The following DAAM2 variants were observed in gnomAD, a reference collection of about 807,000 sequenced individuals.
The protein encoded by DAAM2 is disheveled-associated activator of morphogenesis 2.
Under a neutral mutation model 120.7 loss-of-function variants are expected in DAAM2, and 39 were observed. The observed-to-expected ratio is 0.32, with a 90% confidence interval of 0.25 to 0.42. The LOEUF is 0.42. Ranked by LOEUF, DAAM2 falls within the 10% of genes least tolerant of loss-of-function variation. The pLI is 1.00. For missense variants in DAAM2, 1,283 were observed against 1,401.7 expected (o/e 0.92, Z 1.35); for synonymous variants, 488 against 524.9 (o/e 0.93, Z 0.96).
chr6:39,825,642 C>A (rs537949804), intron 1 of DAAM2, among the ~76,000 whole-genome samples: 37 of 152,264 alleles, frequency 2.4e-4, no homozygotes, highest in Admixed American at 7.8e-4. Flanking sequence ...CCTGCTCCCA[C>A]CGTGGCTGTG....
chr6:39,840,060 C>A (rs1390681330), intron 1 of DAAM2, among the ~76,000 whole-genome samples: 1 of 152,136 alleles, frequency 6.6e-6, no homozygotes, highest in African/African-American at 2.4e-5. Flanking sequence ...AACCCTGTCT[C>A]TACACAAAAT....
intron 1 of DAAM2, among the ~76,000 whole-genome samples, chr6:39,847,085 AC>A (rs1763624767): frequency 6.6e-6 from 1 of 152,152 alleles, no homozygotes; most frequent in South Asian, 2.1e-4. Context: ...CAGGAAGGTC[AC>A]CTTGTACTGC....
Position 39,903,703 on chromosome 6 carries a change from C to T in DAAM2, c.*1666C>T, listed in dbSNP as rs752015530. 12 of 165,446 alleles carry T rather than the reference C, an allele frequency of 7.3e-5. No individual in the cohort carries two copies. The highest frequency in any genetic ancestry group is 1.6e-4 in the Non-Finnish European group (12 of 75,582). 10.2% of individuals were successfully genotyped at this position (165,446 alleles called of 1,614,324 possible). ...CCTACTCTCAGCTGCCTATCTTCTG[C>T]CTTTCACTTGCATCCAACTCCTGGG... On this transcript the variant is annotated 3_prime_UTR_variant, in exon 25 of 25. Transcript: ENST00000274867.
chr6:39,826,952 T>G (rs184457905), intron 1 of DAAM2, among the ~76,000 whole-genome samples: 1 of 152,276 alleles, frequency 6.6e-6, no homozygotes, highest in East Asian at 1.9e-4. Context: ...TTGAGAATAT[T>G]TAAAGAGAGA....
intron 1 of DAAM2, among the ~76,000 whole-genome samples, chr6:39,844,498 C>T (rs766768020): frequency 5.3e-5 from 8 of 152,048 alleles, no homozygotes; most frequent in Admixed American, 1.3e-4. Flanking sequence ...GGGTCCTCAT[C>T]GGTCAAAAAT....
chr6:39,793,342 G>A (rs1005221330), intron 1 of DAAM2, among the ~76,000 whole-genome samples: 2 of 150,700 alleles, frequency 1.3e-5, no homozygotes, highest in Non-Finnish European at 2.9e-5. Context: ...ATAAAGAGAC[G>A]TGTCTGAGCT....
At chr6:39,802,444 T>TA (rs368222660) in intron 1 of DAAM2, among the ~76,000 whole-genome samples, 18 of 151,186 alleles carry the variant, frequency 1.2e-4, no homozygotes, top group South Asian at 8.4e-4. Context: ...ATTACTTGGT[T>TA]AAAAAAAAAG....
At chr6:39,885,924 G>A (rs953292788) in intron 15 of DAAM2, 1 of 152,734 alleles carries the variant, frequency 6.5e-6, no homozygotes, top group African/African-American at 2.4e-5. Context: ...GGACAGATGA[G>A]GGGCAGTGAG....
intron 2 of DAAM2, among the ~76,000 whole-genome samples, chr6:39,857,650 G>A (rs1434888923): frequency 6.6e-6 from 1 of 152,174 alleles, no homozygotes; most frequent in Non-Finnish European, 1.5e-5. Context: ...CCTTTCTTTG[G>A]CTCTTTTATT....
At chr6:39,884,233 C>CCTG in intron 15 of DAAM2, 164 bp downstream of exon 15, 1 of 579,936 alleles carries the variant, frequency 1.7e-6, no homozygotes, top group South Asian at 2.3e-5. Flanking sequence ...CACATGTATA[C>CCTG]TGAATGATTT....
intron 19 of DAAM2, 87 bp downstream of exon 19, chr6:39,891,809 G>T (rs922679004): frequency 2.0e-6 from 2 of 990,256 alleles, no homozygotes; most frequent in African/African-American, 3.3e-5. Context: ...GGGGCAGAGG[G>T]AAACCCCTTT....
At chr6:39,839,123 T>A (rs1362208587) in intron 1 of DAAM2, among the ~76,000 whole-genome samples, 1 of 152,142 alleles carries the variant, frequency 6.6e-6, no homozygotes, top group Non-Finnish European at 1.5e-5. Flanking sequence ...TTATTTTTTT[T>A]AAATGCCCCG....
At chr6:39,848,463 A>C (rs1763681465) in intron 1 of DAAM2, 2 of 152,028 alleles carry the variant, frequency 1.3e-5, no homozygotes, top group Admixed American at 6.6e-5. Flanking sequence ...AACAGTTGGA[A>C]AATCCTCAAC....
At chr6:39,893,977 AAATT>A (rs1274178809) in intron 19 of DAAM2, among the ~76,000 whole-genome samples, 1 of 152,196 alleles carries the variant, frequency 6.6e-6, no homozygotes, top group Non-Finnish European at 1.5e-5. Flanking sequence ...CAAATTTGAC[AAATT>A]TACCAGTTCT....
chr6:39,873,114 C>T (rs887772947), intron 9 of DAAM2, 124 bp from the exon 10 acceptor site: 1 of 661,744 alleles, frequency 1.5e-6, no homozygotes, highest in African/African-American at 1.8e-5. Flanking sequence ...AAGCCTGGGC[C>T]AGAGGCAGGG....
chr6:39,878,217 A>G lies in DAAM2; in HGVS notation c.1316A>G (p.Asn439Ser), dbSNP rs763849168. 9.9e-6 allele frequency: 16 copies of G among 1,613,894 alleles called. No homozygotes were observed. The highest frequency in any genetic ancestry group is 1.7e-6 in the Non-Finnish European group (2 of 1,179,888). The part of the protein sequence containing the change: ...KNIVNMLINE[N>S]EVKQWRDQAE... ...TGCCCTGCCAGGCTCATCAACGAGA[A>G]TGAAGTGAAACAGTGGCGAGACCAG... The change falls in exon 12 of 25, where the codon AAT (asparagine) becomes AGT (serine). Residue 439 changes from asparagine to serine, a missense_variant. Coordinates refer to ENST00000274867, the MANE Select transcript of DAAM2 (RefSeq NM_001201427.2). The surrounding 1 kb of genome is among the most constrained non-coding windows in gnomAD (Gnocchi z 5.0).
intron 7 of DAAM2, among the ~76,000 whole-genome samples, chr6:39,869,616 T>C (rs1009974463): frequency 5.3e-5 from 8 of 151,664 alleles, no homozygotes; most frequent in African/African-American, 1.2e-4. Flanking sequence ...AAAGCAACAA[T>C]AGAAGAACTT....
intron 14 of DAAM2, among the ~76,000 whole-genome samples, chr6:39,880,698 C>T (rs1437885650): frequency 6.6e-6 from 1 of 152,208 alleles, no homozygotes. Context: ...TTCCCTCTGC[C>T]TCTGGCTTTA....
intron 1 of DAAM2, among the ~76,000 whole-genome samples, chr6:39,842,924 T>C (rs1271396910): frequency 6.6e-6 from 1 of 152,104 alleles, no homozygotes; most frequent in Admixed American, 6.6e-5. Flanking sequence ...TTCTTTACTA[T>C]GTTTCAAAGC....
Sources: allele counts gnomAD v4.1 joint callset (sites outside exome capture counted in the v4.1 genomes callset), GRCh38; gene constraint gnomAD v4.1.1; non-coding constraint Gnocchi (gnomAD v3.1); transcripts MANE v1.5; gene names NCBI Gene and HGNC (gene_info 2026-07-23, HGNC 2026-07-21).